Variants in KCNMA1 observed in about 807,000 individuals in gnomAD.
The protein encoded by KCNMA1 is potassium calcium-activated channel subfamily M alpha 1, also known as Calcium-activated potassium channel subunit alpha-1.
In KCNMA1, 29 loss-of-function variants were observed where a neutral mutation model predicts 140.0. The ratio of observed to expected loss-of-function variants is 0.21; its 90% CI spans 0.15 to 0.28. The LOEUF (loss-of-function observed/expected upper bound fraction) is 0.28. KCNMA1 is among the 10% of genes least tolerant of loss of function. KCNMA1 has a pLI of 1.00. For synonymous variants in KCNMA1, 612 were observed against 611.9 expected (o/e 1.00, Z 0.00); for missense variants, 880 against 1,602.2 (o/e 0.55, Z 7.70).
At chr10:77,211,385 T>A (rs1280930159) in intron 3 of KCNMA1, among the ~76,000 whole-genome samples, 1 of 152,056 alleles carries the variant, frequency 6.6e-6, no homozygotes, top group Non-Finnish European at 1.5e-5. Context: ...ATGGTGTGGG[T>A]ATAACTGGCT....
intron 1 of KCNMA1, among the ~76,000 whole-genome samples, chr10:77,414,552 T>G (rs556444283): frequency 3.1e-4 from 47 of 152,306 alleles, no homozygotes; most frequent in Middle Eastern, 3.4e-3. Context: ...AGTGCAGTGA[T>G]GCAATCTCAG....
At chr10:77,550,774 C>A (rs846101) in intron 1 of KCNMA1, among the ~76,000 whole-genome samples, 13,341 of 152,142 alleles carry the variant, frequency 0.088, 738 homozygotes, top group Admixed American at 0.14. Context: ...AAGGCAGATG[C>A]TAGAAGCAGT....
intron 2 of KCNMA1, among the ~76,000 whole-genome samples, chr10:77,370,019 C>T (rs1293891642): frequency 6.6e-6 from 1 of 152,192 alleles, no homozygotes; most frequent in Non-Finnish European, 1.5e-5. Context: ...AGGCATGTCT[C>T]AGCTACAGCA....
chr10:77,365,321 C>T (rs1380460495), intron 2 of KCNMA1, among the ~76,000 whole-genome samples: 1 of 152,196 alleles, frequency 6.6e-6, no homozygotes, highest in African/African-American at 2.4e-5. Flanking sequence ...GTGCATCCTC[C>T]ACTCCCAAGC....
intron 19 of KCNMA1, among the ~76,000 whole-genome samples, chr10:76,999,626 C>A (rs1457706237): frequency 6.6e-6 from 1 of 152,168 alleles, no homozygotes; most frequent in Non-Finnish European, 1.5e-5. Flanking sequence ...TAATGGCATG[C>A]AAACTACAGA....
intron 1 of KCNMA1, among the ~76,000 whole-genome samples, chr10:77,632,658 T>C (rs939776272): frequency 1.3e-5 from 2 of 152,240 alleles, no homozygotes; most frequent in Admixed American, 6.5e-5. Flanking sequence ...TATGACAGTA[T>C]ACTTCAGGAT....
Position 76,944,918 on chromosome 10 carries a change from G to A in KCNMA1, c.2757C>T (p.Leu919=). Reference sequence around the variant, plus strand: ...CTGACAGGATAACGCACATGTCACAGAGGTTGATGTTGACAGCCCTTAAAT... The same window carrying A: ...CTGACAGGATAACGCACATGTCACAAAGGTTGATGTTGACAGCCCTTAAAT... ...RADLRAVNIN[L]CDMCVILSAN... Residue 919 remains leucine (L), a synonymous_variant, in exon 23 of 28, where the codon CTC becomes CTT. Transcript: ENST00000286628. 1 of 1,614,042 alleles carries A rather than the reference G, an allele frequency of 6.2e-7. No individual in the cohort carries two copies. The highest frequency in any genetic ancestry group is 8.5e-7 in the Non-Finnish European group (1 of 1,179,996).
intron 3 of KCNMA1, among the ~76,000 whole-genome samples, chr10:77,239,462 T>C (rs1406649310): frequency 6.6e-6 from 1 of 152,172 alleles, no homozygotes; most frequent in Non-Finnish European, 1.5e-5. Flanking sequence ...ATGAGCAACA[T>C]GAGATAGGTA....
chr10:77,236,400 C>G (rs1336814410), intron 3 of KCNMA1, among the ~76,000 whole-genome samples: 2 of 152,190 alleles, frequency 1.3e-5, no homozygotes, highest in African/African-American at 4.8e-5. Context: ...CTGAAGGTGA[C>G]TTGGGGAACG....
At chr10:77,298,716 C>T (rs1317861633) in intron 2 of KCNMA1, among the ~76,000 whole-genome samples, 1 of 152,202 alleles carries the variant, frequency 6.6e-6, no homozygotes, top group Non-Finnish European at 1.5e-5. Context: ...TTCCCTCCCA[C>T]TTCCACACTG....
chr10:77,504,418 A>C (rs1416970749), intron 1 of KCNMA1, among the ~76,000 whole-genome samples: 2 of 152,168 alleles, frequency 1.3e-5, no homozygotes, highest in African/African-American at 4.8e-5. Flanking sequence ...GAACCGAGCA[A>C]CCGAGAGGGG....
chr10:77,465,220 C>T (rs905321368), intron 1 of KCNMA1, among the ~76,000 whole-genome samples: 6 of 152,240 alleles, frequency 3.9e-5, no homozygotes, highest in East Asian at 1.9e-4. Flanking sequence ...CAGCAAACTG[C>T]GTTGCCTTCC....
intron 5 of KCNMA1, chr10:77,140,762 G>GA (rs2098147380): frequency 6.6e-6 from 1 of 152,322 alleles, no homozygotes; most frequent in African/African-American, 2.4e-5. Flanking sequence ...AGCCACATCA[G>GA]AAAGGCGGTT....
At chr10:77,612,490 A>G (rs2087320455) in intron 1 of KCNMA1, among the ~76,000 whole-genome samples, 1 of 152,166 alleles carries the variant, frequency 6.6e-6, no homozygotes, top group Non-Finnish European at 1.5e-5. Context: ...GGAGGGGTTC[A>G]TTGCGCTCCA....
At chr10:77,136,888 A>G (rs1276335242) in intron 5 of KCNMA1, among the ~76,000 whole-genome samples, 1 of 152,184 alleles carries the variant, frequency 6.6e-6, no homozygotes, top group East Asian at 1.9e-4. Flanking sequence ...CTGTACTCAC[A>G]TGCAAGATTC....
chr10:76,917,564 A>C (rs2053489981), intron 23 of KCNMA1, among the ~76,000 whole-genome samples: 1 of 152,060 alleles, frequency 6.6e-6, no homozygotes, highest in Non-Finnish European at 1.5e-5. Flanking sequence ...TTTCCCCTTC[A>C]GTCACCAGGC....
chr10:77,427,717 A>C (rs375070770), intron 1 of KCNMA1, among the ~76,000 whole-genome samples: 2 of 61,380 alleles, frequency 3.3e-5, no homozygotes, highest in Non-Finnish European at 6.7e-5. Context: ...GCATCCATCC[A>C]TTCATTTATT....
intron 3 of KCNMA1, among the ~76,000 whole-genome samples, chr10:77,214,226 A>G (rs1370103177): frequency 6.6e-6 from 1 of 152,068 alleles, no homozygotes; most frequent in East Asian, 1.9e-4. Context: ...TTGCTTTCCA[A>G]TTTTCCAAGG....
At chr10:77,138,344 G>C (rs998860276) in intron 5 of KCNMA1, among the ~76,000 whole-genome samples, 5 of 152,248 alleles carry the variant, frequency 3.3e-5, no homozygotes, top group Middle Eastern at 3.4e-3. Context: ...CTGGAGTCTT[G>C]ACCTCATGGG....
Sources: allele counts gnomAD v4.1 joint callset (sites outside exome capture counted in the v4.1 genomes callset), GRCh38; gene constraint gnomAD v4.1.1; transcripts MANE v1.5; gene names NCBI Gene and HGNC (gene_info 2026-07-23, HGNC 2026-07-21).